TMEM163: variants seen among roughly 807,000 people sequenced by gnomAD.
TMEM163 encodes the protein transmembrane protein 163.
In TMEM163, 17 loss-of-function variants were observed where a neutral mutation model predicts 29.3. The observed-to-expected ratio is 0.58, with a 90% CI of 0.40 to 0.87. The LOEUF (loss-of-function observed/expected upper bound fraction) is 0.87, where lower values mean the gene tolerates loss of function less well. Among genes scored for constraint, TMEM163 ranks in the 40% least tolerant of loss-of-function variants. The probability of loss-of-function intolerance (pLI) is 0.00; values close to 1 mark genes in which losing one functional copy is unlikely to be tolerated. For synonymous variants in TMEM163, 157 were observed against 160.6 expected (o/e 0.98, Z 0.17); for missense variants, 303 against 381.5 (o/e 0.79, Z 1.71).
chr2:134,533,746 C>T (rs1680467263), intron 4 of TMEM163, among the ~76,000 whole-genome samples: 1 of 152,100 alleles, frequency 6.6e-6, no homozygotes, highest in Non-Finnish European at 1.5e-5. Context: ...AAACTTCCTC[C>T]CCAGGCTCCC....
At chr2:134,572,106 C>T (rs1024005592) in intron 2 of TMEM163, among the ~76,000 whole-genome samples, 1 of 152,156 alleles carries the variant, frequency 6.6e-6, no homozygotes, top group African/African-American at 2.4e-5. Flanking sequence ...CTACACAAGA[C>T]CAAAGTTGAA....
chr2:134,570,251 T>C (rs907992132), intron 2 of TMEM163, among the ~76,000 whole-genome samples: 3 of 152,174 alleles, frequency 2.0e-5, no homozygotes, highest in South Asian at 2.1e-4. Context: ...AAAAGAAACT[T>C]GTGCTAGGTT....
intron 5 of TMEM163, among the ~76,000 whole-genome samples, chr2:134,481,766 T>A (rs147546532): frequency 1.3e-5 from 2 of 152,292 alleles, no homozygotes; most frequent in East Asian, 3.9e-4. Context: ...CTTCATGACA[T>A]CTACACATTC....
intron 2 of TMEM163, among the ~76,000 whole-genome samples, chr2:134,689,788 A>C (rs192158983): frequency 6.6e-6 from 1 of 152,362 alleles, no homozygotes; most frequent in East Asian, 1.9e-4. Context: ...AATGTACCAC[A>C]AAGTTACACA....
intron 2 of TMEM163, among the ~76,000 whole-genome samples, chr2:134,626,064 G>A (rs1279300416): frequency 6.7e-6 from 1 of 149,854 alleles, no homozygotes; most frequent in South Asian, 2.1e-4. Context: ...TGGAGGCTCT[G>A]GGGAGAATCT....
chr2:134,462,039 G>T (rs1310205102), intron 6 of TMEM163, among the ~76,000 whole-genome samples: 1 of 152,200 alleles, frequency 6.6e-6, no homozygotes, highest in African/African-American at 2.4e-5. Context: ...ATTAGCAGGA[G>T]GCTGTAATTA....
intron 4 of TMEM163, among the ~76,000 whole-genome samples, chr2:134,524,739 T>C (rs1051562913): frequency 6.6e-6 from 1 of 150,672 alleles, no homozygotes; most frequent in South Asian, 2.2e-4. Flanking sequence ...ATGGTATATA[T>C]GTACCACATT....
At position 134,547,198 on chromosome 2, in the gene TMEM163, C is replaced by G. The variant is rs75679139; in HGVS notation, c.458+3372G>C. On this transcript the variant is annotated intron_variant, in intron 4 of 7. Transcript: ENST00000281924. The stretch of plus-strand genomic sequence containing the variant: ...ATGCATTTTATGTTATGCGTTTTAA[C>G]AAAATAAAATAAAAATAAAAATTCA... Among the ~76,000 whole-genome samples, 639 of 152,140 alleles carry G rather than the reference C, an allele frequency of 4.2e-3. 2 individuals are homozygous for G. Among genetic ancestry groups the G allele is most frequent in the Middle Eastern group, 0.01 (3 of 294 alleles).
intron 4 of TMEM163, among the ~76,000 whole-genome samples, chr2:134,526,831 C>T (rs1338372482): frequency 2.0e-5 from 3 of 152,210 alleles, no homozygotes; most frequent in Admixed American, 2.0e-4. Flanking sequence ...TTAAGAAGAA[C>T]ATGGTAAATG....
At chr2:134,485,699 T>C (rs1679292209) in intron 5 of TMEM163, among the ~76,000 whole-genome samples, 1 of 152,206 alleles carries the variant, frequency 6.6e-6, no homozygotes, top group African/African-American at 2.4e-5. Context: ...TAGATGTTCA[T>C]CACACCTGCA....
At position 134,544,921 on chromosome 2, in the gene TMEM163, G is replaced by A. The variant is rs115085957; in HGVS notation, c.458+5649C>T. Among the ~76,000 whole-genome samples, 971 of 152,244 alleles carry A rather than the reference G, an allele frequency of 6.4e-3. 11 individuals are homozygous for A. Among genetic ancestry groups the A allele is most frequent in the African/African-American group, 0.022 (921 of 41,538 alleles). Reference sequence around the variant, plus strand: ...GATACAGAACACAGCCATCGCCGCTGAGCATCTGTTGGACAGCTCTGGTTG... The same window carrying A: ...GATACAGAACACAGCCATCGCCGCTAAGCATCTGTTGGACAGCTCTGGTTG... On this transcript the variant is annotated intron_variant, in intron 4 of 7. Coordinates refer to ENST00000281924, the MANE Select transcript of TMEM163 (RefSeq NM_030923.5).
At chr2:134,459,377 G>A (rs775087007) in intron 6 of TMEM163, 3 of 99,878 alleles carry the variant, frequency 3.0e-5, no homozygotes, top group African/African-American at 4.9e-5. Flanking sequence ...AGGTTTGGTC[G>A]AGGATACCTC....
chr2:134,631,644 T>A (rs1020114985), intron 2 of TMEM163, among the ~76,000 whole-genome samples: 3 of 152,226 alleles, frequency 2.0e-5, no homozygotes, highest in African/African-American at 7.2e-5. Context: ...ATGGGAGCTA[T>A]TTCTGGGTTC....
chr2:134,491,288 G>A (rs1433077944), intron 5 of TMEM163, among the ~76,000 whole-genome samples: 3 of 152,126 alleles, frequency 2.0e-5, no homozygotes, highest in Non-Finnish European at 2.9e-5. Context: ...CCCTCACCTC[G>A]CTCTCTTCTC....
chr2:134,458,482 C>T (rs1377407779), intron 6 of TMEM163: 1 of 344,360 alleles, frequency 2.9e-6, no homozygotes, highest in Non-Finnish European at 5.5e-6. Flanking sequence ...CTCCTAGAGG[C>T]AGGGGTGTGG....
chr2:134,708,006 C>A (rs1004248778), intron 2 of TMEM163, among the ~76,000 whole-genome samples: 4 of 151,892 alleles, frequency 2.6e-5, no homozygotes, highest in African/African-American at 9.7e-5. Flanking sequence ...CCTACTTCAG[C>A]CTCCCAAGTA....
intron 2 of TMEM163, among the ~76,000 whole-genome samples, chr2:134,630,231 C>T (rs1381569894): frequency 2.0e-5 from 3 of 151,864 alleles, no homozygotes; most frequent in Non-Finnish European, 2.9e-5. Context: ...TGAAAATATA[C>T]ACAAGAACCC....
intron 5 of TMEM163, among the ~76,000 whole-genome samples, chr2:134,491,732 T>C (rs55888129): frequency 0.12 from 17,513 of 152,262 alleles, 1,249 homozygotes; most frequent in South Asian, 0.2. Flanking sequence ...TAATGAGATA[T>C]CAAGCTAAAA....
intron 2 of TMEM163, among the ~76,000 whole-genome samples, chr2:134,644,123 T>C (rs965802019): frequency 1.3e-5 from 2 of 152,036 alleles, no homozygotes; most frequent in Non-Finnish European, 2.9e-5. Context: ...AAGTTCTAAA[T>C]AAATGGAGAG....
Sources: allele counts gnomAD v4.1 joint callset (sites outside exome capture counted in the v4.1 genomes callset), GRCh38; gene constraint gnomAD v4.1.1; transcripts MANE v1.5; gene names NCBI Gene and HGNC (gene_info 2026-07-23, HGNC 2026-07-21).